PLOD2: variants seen among roughly 807,000 people sequenced by gnomAD.
The protein encoded by PLOD2 is procollagen-lysine,2-oxoglutarate 5-dioxygenase 2, also known as lysine hydroxylase 2.
A neutral mutation model predicts 101.0 loss-of-function variants in PLOD2; 65 were observed. The observed-to-expected ratio is 0.64, with a 90% CI of 0.53 to 0.79. The LOEUF (loss-of-function observed/expected upper bound fraction) is 0.79. PLOD2 is among the 30% of genes least tolerant of loss of function. PLOD2 has a pLI of 0.00. For synonymous variants in PLOD2, 314 were observed against 302.9 expected (o/e 1.04, Z -0.38); for missense variants, 909 against 914.6 (o/e 0.99, Z 0.08).
At chr3:146,088,241 T>C (rs1936852975) in intron 9 of PLOD2, among the ~76,000 whole-genome samples, 1 of 151,690 alleles carries the variant, frequency 6.6e-6, no homozygotes, top group Non-Finnish European at 1.5e-5. Flanking sequence ...AACAATTTAA[T>C]GACCAATTCT....
intron 7 of PLOD2, among the ~76,000 whole-genome samples, chr3:146,096,751 G>A (rs1425054985): frequency 6.7e-6 from 1 of 149,774 alleles, no homozygotes; most frequent in Non-Finnish European, 1.5e-5. Context: ...CGGGAGGGAG[G>A]TGGGGGGGGT....
chr3:146,104,589 A>G (rs1044329606), intron 5 of PLOD2, among the ~76,000 whole-genome samples: 1 of 152,224 alleles, frequency 6.6e-6, no homozygotes, highest in African/African-American at 2.4e-5. Flanking sequence ...ACAAACACAC[A>G]AGTAACTTTT....
rs188483614 is a variant in PLOD2, at chr3:146,109,256, G to A, written c.502+1029C>T. 4.2e-3 allele frequency among the ~76,000 whole-genome samples: 644 copies of A among 152,312 alleles called. 1 individual carries two copies. Among genetic ancestry groups the A allele is most frequent in the Non-Finnish European group, 6.6e-3 (449 of 68,024 alleles). On this transcript the variant is annotated intron_variant, in intron 4 of 19. Coordinates refer to ENST00000282903, the MANE Select transcript of PLOD2 (RefSeq NM_182943.3). ...GCATTATCTGTAGAAATATTGAGAC[G>A]AAGAGGAAAAGAGATTTCAAACCAG... is the stretch of plus-strand genomic sequence containing the variant.
At chr3:146,121,293 A>T in intron 2 of PLOD2, 45 bp from the exon 3 acceptor site, 2 of 1,566,116 alleles carry the variant, frequency 1.3e-6, no homozygotes, top group Non-Finnish European at 1.8e-6. Context: ...AACTCAAATT[A>T]TGAAAGTACT....
chr3:146,156,289 G>A (rs1402191466), intron 1 of PLOD2, among the ~76,000 whole-genome samples: 1 of 152,182 alleles, frequency 6.6e-6, no homozygotes, highest in African/African-American at 2.4e-5. Flanking sequence ...AAGTGGGAAT[G>A]TCATCTCCTA....
At position 146,071,060 on chromosome 3, in the gene PLOD2, G is replaced by A. The variant is rs555534138; in HGVS notation, c.2103C>T (p.Asn701=). The A allele has an allele frequency of 3.6e-5, 58 of 1,607,716 alleles. No homozygotes were observed. The highest frequency in any genetic ancestry group is 4.2e-5 in the Non-Finnish European group (49 of 1,175,138). ...TAATTACCTGAAAGTCTTCTCCCAC[G>A]TTATTAAGTGCAATGTTTATGGTAA... ...STFTINIALN[N]VGEDFQGGGC... is the part of the protein sequence containing the mutation. The change falls in exon 19 of 20, where the codon AAC becomes AAT. Residue 701 remains asparagine, a synonymous_variant. Transcript: ENST00000282903.
chr3:146,096,667 G>T (rs1471108325), intron 7 of PLOD2, among the ~76,000 whole-genome samples: 1 of 131,488 alleles, frequency 7.6e-6, no homozygotes, highest in Non-Finnish European at 1.6e-5. Context: ...CGTCTGAGAA[G>T]TGAGGAGCCC....
chr3:146,093,540 A>T lies in PLOD2; in HGVS notation c.778-1639T>A, dbSNP rs557182474. On this transcript the variant is annotated intron_variant, in intron 7 of 19. Transcript: ENST00000282903. The stretch of plus-strand genomic sequence containing the variant: ...CAAAATATGGTTTTGAAGGAAAAAT[A>T]TCTATGTGGAAATGTATCCCCTATT... Among the ~76,000 whole-genome samples, 103 of 152,334 alleles carry T rather than the reference A, an allele frequency of 6.8e-4. 1 individual carries two copies. The highest frequency in any genetic ancestry group is 2.3e-3 in the African/African-American group (94 of 41,582).
At chr3:146,072,535 G>A (rs762953810) in intron 17 of PLOD2, 26 bp downstream of exon 17, 5 of 1,382,916 alleles carry the variant, frequency 3.6e-6, no homozygotes, top group Non-Finnish European at 5.2e-6. Flanking sequence ...ATACATTTTA[G>A]TTCTTAGTGT....
chr3:146,117,825 C>T (rs1489170473), intron 3 of PLOD2, among the ~76,000 whole-genome samples: 1 of 152,018 alleles, frequency 6.6e-6, no homozygotes, highest in Non-Finnish European at 1.5e-5. Context: ...TCTAAATCAA[C>T]AAACTCAACC....
In PLOD2 at chr3:146,072,558, T is replaced by C. The variant is rs904858757; in HGVS notation, c.1848+3A>G. On this transcript the variant is annotated splice_donor_region_variant and intron_variant, in intron 17 of 19. Coordinates refer to ENST00000282903, the MANE Select transcript of PLOD2 (RefSeq NM_182943.3). Reference sequence around the variant, plus strand: ...TAGTTCTTAGTGTGAAATTACAACTTACATGATGTTTTCCCCCAGACCATT... The same window carrying C: ...TAGTTCTTAGTGTGAAATTACAACTCACATGATGTTTTCCCCCAGACCATT... 3 of 1,569,836 alleles carry C rather than the reference T, an allele frequency of 1.9e-6. No individual in the cohort carries two copies. Among genetic ancestry groups the C allele is most frequent in the Non-Finnish European group, 2.6e-6 (3 of 1,140,544 alleles).
intron 13 of PLOD2, among the ~76,000 whole-genome samples, 159 bp from the exon 14 acceptor site, chr3:146,078,083 A>T (rs779915407): frequency 6.6e-6 from 1 of 151,874 alleles, no homozygotes; most frequent in Non-Finnish European, 1.5e-5. Context: ...TAGCACACAC[A>T]AAGAAACATC....
rs1453379303 is a variant in PLOD2 at position 146,161,165 on chromosome 3, C to G, written c.-176G>C. 8 of 401,436 alleles carry G rather than the reference C, an allele frequency of 2.0e-5. 1 individual carries two copies. Among genetic ancestry groups the G allele is most frequent in the African/African-American group, 1.7e-4 (8 of 46,948 alleles). 24.9% of individuals were successfully genotyped at this position (401,436 alleles called of 1,614,324 possible). ...GCGTAACGCAGCTGAGTGAGGTCGTCGGTGGAGGCACGGAGCAGCAGGCGC... is the reference window on the plus strand; with the variant it reads ...GCGTAACGCAGCTGAGTGAGGTCGTGGGTGGAGGCACGGAGCAGCAGGCGC... On this transcript the variant is annotated 5_prime_UTR_variant, in exon 1 of 20. Transcript: ENST00000282903.
At chr3:146,074,249 T>C (rs965752843) in intron 15 of PLOD2, among the ~76,000 whole-genome samples, 1 of 151,554 alleles carries the variant, frequency 6.6e-6, no homozygotes, top group Non-Finnish European at 1.5e-5. Context: ...CAAAAAGATA[T>C]CTTCTGAAAT....
intron 3 of PLOD2, among the ~76,000 whole-genome samples, chr3:146,111,032 A>C (rs1559854503): frequency 1.3e-5 from 2 of 151,078 alleles, no homozygotes; most frequent in African/African-American, 4.9e-5. Flanking sequence ...AACTGACACT[A>C]TAATTTAATT....
chr3:146,126,963 A>C (rs1339722755), intron 1 of PLOD2, among the ~76,000 whole-genome samples: 3 of 152,156 alleles, frequency 2.0e-5, no homozygotes, highest in South Asian at 4.1e-4. Context: ...ATAAATACTG[A>C]AACTGCATTT....
At chr3:146,131,771 G>A (rs1180425045) in intron 1 of PLOD2, among the ~76,000 whole-genome samples, 2 of 152,124 alleles carry the variant, frequency 1.3e-5, no homozygotes, top group African/African-American at 4.8e-5. Context: ...TTGTTGCTTT[G>A]TTAAGTACTG....
intron 1 of PLOD2, among the ~76,000 whole-genome samples, chr3:146,133,589 C>T (rs2031053355): frequency 6.6e-6 from 1 of 152,146 alleles, no homozygotes; most frequent in African/African-American, 2.4e-5. Flanking sequence ...AGCTGCTCCT[C>T]CACATGTATG....
At chr3:146,101,142 T>C (rs553257176) in intron 7 of PLOD2, among the ~76,000 whole-genome samples, 1 of 152,266 alleles carries the variant, frequency 6.6e-6, no homozygotes, top group African/African-American at 2.4e-5. Context: ...CACAGAAATC[T>C]ACCACTTGAG....
Sources: allele counts gnomAD v4.1 joint callset (sites outside exome capture counted in the v4.1 genomes callset), GRCh38; gene constraint gnomAD v4.1.1; transcripts MANE v1.5; gene names NCBI Gene and HGNC (gene_info 2026-07-23, HGNC 2026-07-21).